Variants in ST18 observed in about 807,000 individuals in gnomAD.
ST18 encodes the protein suppression of tumorigenicity 18 protein.
In ST18, 50 loss-of-function variants were observed where a neutral mutation model predicts 110.0. That is an observed-to-expected ratio of 0.45 (90% CI 0.36 to 0.58). The LOEUF is 0.58. Among genes scored for constraint, ST18 ranks in the 20% least tolerant of loss-of-function variants. ST18 has a pLI of 0.00. For missense variants in ST18, 1,306 were observed against 1,280.1 expected (o/e 1.02, Z -0.31); for synonymous variants, 461 against 452.4 (o/e 1.02, Z -0.24).
chr8:52,377,805 G>GT (rs1832988173), intron 2 of ST18, among the ~76,000 whole-genome samples: 1 of 152,248 alleles, frequency 6.6e-6, no homozygotes, highest in South Asian at 2.1e-4. Flanking sequence ...GTACTCCCAT[G>GT]TTTTTTGCAG....
chr8:52,391,193 C>A (rs994849894), intron 2 of ST18, among the ~76,000 whole-genome samples: 1 of 152,160 alleles, frequency 6.6e-6, no homozygotes, highest in Admixed American at 6.5e-5. Context: ...GGTGCGAACC[C>A]ACCCCCAGAG....
rs536175186 is a variant in ST18 at position 52,307,480 on chromosome 8, G to A, written c.-464-77403C>T. Among the ~76,000 whole-genome samples the A allele has an allele frequency of 2.6e-5, 4 of 152,206 alleles. 1 individual carries two copies. The highest frequency in any genetic ancestry group is 2.1e-4 in the South Asian group (1 of 4,822). On this transcript the variant is annotated intron_variant, in intron 2 of 25. Transcript: ENST00000689386. ...CATATACACATTATATATCATAAGA[G>A]TATTAACTATTAGAATTCCAGATTT...
rs2040921493 is a variant in ST18 at position 52,112,870 on chromosome 8, CTT to C, written c.*326_*327del. On this transcript the variant is annotated 3_prime_UTR_variant, in exon 26 of 26. Transcript: ENST00000689386. ...AAATGCAGTTAAAAGATAAAAAACTCTTTGATTAGTAATAAATAAATTATAAA... is the reference window on the plus strand; with the variant it reads ...AAATGCAGTTAAAAGATAAAAAACTCTGATTAGTAATAAATAAATTATAAA... 3 of 173,884 alleles carry C rather than the reference CTT, an allele frequency of 1.7e-5. No individual in the cohort carries two copies. The highest frequency in any genetic ancestry group is 3.6e-5 in the Non-Finnish European group (3 of 83,100). The allele number at this position is 173,884 out of a possible 1,614,324, so 10.8% of individuals were successfully genotyped here. A position where few individuals can be genotyped will look rare whatever the true frequency, so the allele number is the denominator to read the frequency against.
At chr8:52,245,220 T>C (rs1160324270) in intron 2 of ST18, among the ~76,000 whole-genome samples, 1 of 152,186 alleles carries the variant, frequency 6.6e-6, no homozygotes, top group Non-Finnish European at 1.5e-5. Flanking sequence ...TATATTATGG[T>C]ATTCTTTTAC....
chr8:52,306,529 T>C (rs1246461780), intron 2 of ST18, among the ~76,000 whole-genome samples: 1 of 152,176 alleles, frequency 6.6e-6, no homozygotes, highest in Non-Finnish European at 1.5e-5. Flanking sequence ...AAGGGGTACA[T>C]AGTAAGTCTG....
intron 2 of ST18, among the ~76,000 whole-genome samples, chr8:52,369,842 A>G (rs1231309522): frequency 1.3e-5 from 2 of 152,222 alleles, no homozygotes; most frequent in Non-Finnish European, 2.9e-5. Context: ...ATCCCTGCTT[A>G]AGGGCCAAAT....
chr8:52,318,172 TTTACAAGAAAAAACAAAAACAAAC>T lies in ST18; in HGVS notation c.-464-88119_-464-88096del, dbSNP rs570085571. On this transcript the variant is annotated intron_variant, in intron 2 of 25. Transcript: ENST00000689386. ...ATCCAGCATCTATAAGCAACTTAAATTTACAAGAAAAAACAAAAACAAACTTACAAGAAAAAAACAAACAACCCC... is the reference window on the plus strand; with the variant it reads ...ATCCAGCATCTATAAGCAACTTAAATTTACAAGAAAAAAACAAACAACCCC... 2.0e-4 allele frequency among the ~76,000 whole-genome samples: 30 copies of T among 151,942 alleles called. No homozygotes were observed. The South Asian group carries it at 5.4e-3, about 27-fold the overall frequency.
intron 2 of ST18, among the ~76,000 whole-genome samples, chr8:52,336,379 G>C (rs1812073132): frequency 6.6e-6 from 1 of 152,064 alleles, no homozygotes; most frequent in African/African-American, 2.4e-5. Flanking sequence ...TCAAACTCCT[G>C]GCATCAAGTG....
At chr8:52,130,902 A>G (rs933898245) in intron 22 of ST18, among the ~76,000 whole-genome samples, 12 of 152,258 alleles carry the variant, frequency 7.9e-5, no homozygotes, top group Admixed American at 5.2e-4. Context: ...ATGTGCCATT[A>G]GGCATACTTG....
intron 2 of ST18, among the ~76,000 whole-genome samples, chr8:52,381,987 A>T (rs1442556161): frequency 1.3e-5 from 2 of 150,368 alleles, no homozygotes; most frequent in Admixed American, 1.3e-4. Flanking sequence ...AAAAAAACAA[A>T]AAAACAAAGT....
At chr8:52,260,629 C>T (rs759166864) in intron 2 of ST18, among the ~76,000 whole-genome samples, 8 of 152,156 alleles carry the variant, frequency 5.3e-5, no homozygotes, top group Non-Finnish European at 8.8e-5. Context: ...GCACTGGGCA[C>T]ACACTGGGCA....
intron 2 of ST18, among the ~76,000 whole-genome samples, chr8:52,279,808 A>G (rs2095341473): frequency 6.6e-6 from 1 of 152,148 alleles, no homozygotes; most frequent in African/African-American, 2.4e-5. Context: ...TCTTCAAACA[A>G]ACACAAATTA....
intron 2 of ST18, among the ~76,000 whole-genome samples, chr8:52,375,620 C>T (rs555864196): frequency 6.6e-6 from 1 of 152,266 alleles, no homozygotes; most frequent in African/African-American, 2.4e-5. Context: ...CAGAATGCCC[C>T]TTGGTCCTCT....
Position 52,118,428 on chromosome 8 carries a change from A to C in ST18, c.2769T>G (p.Asp923Glu), listed in dbSNP as rs745783516. ...KLKATGGIES[D>E]EEIRHLDEEI... ...CTTCATCCAAATGCCTAATTTCTTC[A>C]TCACTCTCTATTCCTGTAAAGAGTA... The change falls in exon 24 of 26, where the codon GAT becomes GAG. Residue 923 changes from aspartate (D) to glutamate (E), a missense_variant. By Grantham distance (45) the Asp-to-Glu change is conservative. Coordinates refer to ENST00000689386, the MANE Select transcript of ST18 (RefSeq NM_001352837.2). 1 of 1,606,332 alleles carries C rather than the reference A, an allele frequency of 6.2e-7. No individual in the cohort carries two copies. Among genetic ancestry groups the C allele is most frequent in the South Asian group, 1.1e-5 (1 of 90,208 alleles).
intron 25 of ST18, among the ~76,000 whole-genome samples, chr8:52,114,285 T>C (rs1008328302): frequency 2.0e-5 from 3 of 152,096 alleles, no homozygotes; most frequent in Non-Finnish European, 2.9e-5. Flanking sequence ...GTTCTTTTTG[T>C]ATGTTTTGGT....
chr8:52,124,849 G>T (rs2046379318), intron 23 of ST18, among the ~76,000 whole-genome samples: 1 of 130,166 alleles, frequency 7.7e-6, no homozygotes, highest in Non-Finnish European at 1.5e-5. Context: ...GCCTTGGAAG[G>T]AAACAGTAGG....
intron 22 of ST18, among the ~76,000 whole-genome samples, chr8:52,130,886 C>G (rs1248073647): frequency 6.6e-6 from 1 of 152,144 alleles, no homozygotes; most frequent in Admixed American, 6.5e-5. Flanking sequence ...AGCTATTGTA[C>G]AGTAAATGTG....
intron 8 of ST18, among the ~76,000 whole-genome samples, chr8:52,201,730 T>G (rs377609001): frequency 6.6e-6 from 1 of 152,196 alleles, no homozygotes; most frequent in Non-Finnish European, 1.5e-5. Flanking sequence ...GGCAGTCACT[T>G]TGCTTCCTGA....
chr8:52,114,540 AT>A (rs1186581371), intron 25 of ST18, among the ~76,000 whole-genome samples: 3 of 151,736 alleles, frequency 2.0e-5, no homozygotes, highest in Non-Finnish European at 4.4e-5. Context: ...AGCTTTCTAA[AT>A]TTGAAGCTAT....
Sources: gnomAD v4.1 joint callset for allele counts (sites outside exome capture counted in the v4.1 genomes callset) on GRCh38, gnomAD v4.1.1 for gene constraint, MANE v1.5 for transcripts, NCBI Gene and HGNC (gene_info 2026-07-23, HGNC 2026-07-21) for gene names.